Variants in COMMD10 observed in about 807,000 individuals in gnomAD.
COMMD10 encodes COMM domain containing 10.
In COMMD10, 33 loss-of-function variants were observed where a neutral mutation model predicts 28.9. The observed-to-expected ratio is 1.14, with a 90% confidence interval of 0.87 to 1.53. COMMD10 has a LOEUF of 1.53. Ranked by LOEUF, COMMD10 falls within the 40% of genes most tolerant of loss-of-function variation. The pLI is 0.00. For synonymous variants in COMMD10, 110 were observed against 81.7 expected (o/e 1.35, Z -1.87); for missense variants, 310 against 233.4 (o/e 1.33, Z -2.14).
intron 5 of COMMD10, among the ~76,000 whole-genome samples, chr5:116,151,343 A>G (rs1242352257): frequency 1.4e-4 from 21 of 151,968 alleles, no homozygotes; most frequent in South Asian, 4.2e-4. Context: ...GTCTCTGCCC[A>G]GCTTTGGTAT....
At chr5:116,152,130 G>A (rs1225568548) in intron 5 of COMMD10, among the ~76,000 whole-genome samples, 1 of 152,128 alleles carries the variant, frequency 6.6e-6, no homozygotes, top group East Asian at 1.9e-4. Context: ...TAGTCATTCA[G>A]GAGCAAGTTG....
At chr5:116,155,489 AT>A (rs1425124855) in intron 5 of COMMD10, among the ~76,000 whole-genome samples, 21 of 152,088 alleles carry the variant, frequency 1.4e-4, no homozygotes, top group Non-Finnish European at 1.9e-4. Flanking sequence ...TTAAATATAT[AT>A]TCTATATTTG....
chr5:116,238,858 C>T (rs142814485), intron 5 of COMMD10, among the ~76,000 whole-genome samples: 192 of 152,264 alleles, frequency 1.3e-3, no homozygotes, highest in African/African-American at 4.4e-3. Flanking sequence ...CTGTCACTTA[C>T]AAATATGTAT....
intron 5 of COMMD10, among the ~76,000 whole-genome samples, chr5:116,275,531 C>G (rs1409146601): frequency 6.6e-6 from 1 of 150,990 alleles, no homozygotes; most frequent in African/African-American, 2.5e-5. Flanking sequence ...GACTCGTAAG[C>G]TCAAGGAAAA....
chr5:116,203,490 G>C (rs1044461015), intron 5 of COMMD10, among the ~76,000 whole-genome samples: 46 of 152,188 alleles, frequency 3.0e-4, no homozygotes, highest in African/African-American at 1.1e-3. Flanking sequence ...CAGCCAGAGA[G>C]AAAGGTCGGG....
chr5:116,281,344 G>T (rs1406468981), intron 5 of COMMD10, among the ~76,000 whole-genome samples: 1 of 151,632 alleles, frequency 6.6e-6, no homozygotes, highest in South Asian at 2.1e-4. Flanking sequence ...TAATGGGTAT[G>T]TGCAACATTA....
intron 5 of COMMD10, among the ~76,000 whole-genome samples, chr5:116,236,504 C>CAAAAAAA: frequency 1.3e-5 from 1 of 79,614 alleles, no homozygotes; most frequent in Non-Finnish European, 2.6e-5. Context: ...GACTCCGTCT[C>CAAAAAAA]AAAAAAAAAA....
At chr5:116,120,516 T>C (rs903824316) in intron 4 of COMMD10, among the ~76,000 whole-genome samples, 2 of 152,132 alleles carry the variant, frequency 1.3e-5, no homozygotes, top group Admixed American at 1.3e-4. Context: ...TTAAAAAAAA[T>C]TTTTTTTAAA....
intron 4 of COMMD10, among the ~76,000 whole-genome samples, chr5:116,132,582 G>T (rs1016920221): frequency 6.6e-6 from 1 of 152,088 alleles, no homozygotes; most frequent in Non-Finnish European, 1.5e-5. Context: ...AGAGGGATAG[G>T]ATCAATTAAA....
intron 4 of COMMD10, among the ~76,000 whole-genome samples, chr5:116,096,520 C>CA (rs1750474793): frequency 6.6e-6 from 1 of 152,000 alleles, no homozygotes; most frequent in African/African-American, 2.4e-5. Flanking sequence ...TGAAGGCAGT[C>CA]ACGTTGTCTG....
Position 116,269,194 on chromosome 5 carries a change from C to T in COMMD10, c.511-22323C>T, listed in dbSNP as rs140614777. Among the ~76,000 whole-genome samples, 311 of 151,846 alleles carry T rather than the reference C, an allele frequency of 2.0e-3. 8 individuals carry two copies. The highest frequency in any genetic ancestry group is 7.2e-3 in the African/African-American group (296 of 41,266). ...CGTTTATGTTTATTAACAACTGACA[C>T]AAACAAAACCTGTACAGAAAGTACT... On this transcript the variant is annotated intron_variant, in intron 5 of 6. Coordinates refer to ENST00000274458, the MANE Select transcript of COMMD10 (RefSeq NM_016144.4).
intron 5 of COMMD10, among the ~76,000 whole-genome samples, chr5:116,188,042 G>A (rs998805311): frequency 2.0e-5 from 3 of 152,046 alleles, no homozygotes; most frequent in Non-Finnish European, 4.4e-5. Context: ...ACATCATTAC[G>A]TCAGTTTACA....
At chr5:116,257,632 G>A (rs1210963251) in intron 5 of COMMD10, among the ~76,000 whole-genome samples, 1 of 151,472 alleles carries the variant, frequency 6.6e-6, no homozygotes, top group Non-Finnish European at 1.5e-5. Context: ...TGAAATCATG[G>A]TACTAGTTTT....
At chr5:116,201,597 G>A (rs1748669343) in intron 5 of COMMD10, among the ~76,000 whole-genome samples, 1 of 152,134 alleles carries the variant, frequency 6.6e-6, no homozygotes, top group Non-Finnish European at 1.5e-5. Flanking sequence ...GATCCGAGAA[G>A]AATCGTTGAT....
chr5:116,190,878 T>A (rs931206075), intron 5 of COMMD10, among the ~76,000 whole-genome samples: 1 of 152,208 alleles, frequency 6.6e-6, no homozygotes, highest in African/African-American at 2.4e-5. Context: ...ACAAACACTT[T>A]AAGTGAATAT....
intron 5 of COMMD10, among the ~76,000 whole-genome samples, chr5:116,268,784 T>C (rs1467819519): frequency 2.0e-5 from 3 of 151,802 alleles, no homozygotes; most frequent in Non-Finnish European, 1.5e-5. Flanking sequence ...AGGATGAGTT[T>C]ATGTCCTTTG....
intron 5 of COMMD10, among the ~76,000 whole-genome samples, chr5:116,281,983 TATC>T (rs1301920354): frequency 6.6e-6 from 1 of 151,862 alleles, no homozygotes; most frequent in African/African-American, 2.4e-5. Context: ...TGGTTTTAAA[TATC>T]ATCAATATAT....
chr5:116,090,591 G>A (rs1580435470), intron 2 of COMMD10, among the ~76,000 whole-genome samples: 1 of 152,334 alleles, frequency 6.6e-6, no homozygotes, highest in South Asian at 2.1e-4. Flanking sequence ...TGAGAGGTCA[G>A]CTCTCTGGGT....
intron 5 of COMMD10, among the ~76,000 whole-genome samples, chr5:116,259,831 G>A (rs1750392607): frequency 6.6e-6 from 1 of 151,608 alleles, no homozygotes; most frequent in Non-Finnish European, 1.5e-5. Context: ...GTCAGAAATT[G>A]CATTTGGGAG....
Sources: allele counts gnomAD v4.1 joint callset (sites outside exome capture counted in the v4.1 genomes callset), GRCh38; gene constraint gnomAD v4.1.1; transcripts MANE v1.5; gene names NCBI Gene and HGNC (gene_info 2026-07-23, HGNC 2026-07-21).